Variants in RRM1 observed in about 807,000 individuals in gnomAD.
RRM1 encodes ribonucleotide reductase catalytic subunit M1.
In RRM1, 19 loss-of-function variants were observed where a neutral mutation model predicts 101.5. The observed-to-expected ratio is 0.19, with a 90% CI of 0.13 to 0.27. The LOEUF (loss-of-function observed/expected upper bound fraction) is 0.27. RRM1 is among the 10% of genes least tolerant of loss of function. RRM1 has a pLI of 1.00. For synonymous variants in RRM1, 298 were observed against 323.4 expected, an observed-to-expected ratio of 0.92 and a Z score of 0.84; for missense variants, 500 against 962.9, an observed-to-expected ratio of 0.52 and a Z score of 6.36.
chr11:4,099,638 C>T (rs915988310), intron 1 of RRM1, among the ~76,000 whole-genome samples: 1 of 152,000 alleles, frequency 6.6e-6, no homozygotes, highest in Non-Finnish European at 1.5e-5. Flanking sequence ...TTATATTTCA[C>T]AGGGAACAGT....
Position 4,132,212 on chromosome 11 carries a change from AGT to A in RRM1, c.1770-72_1770-71del, listed in dbSNP as rs2094601725. On this transcript the variant is annotated intron_variant, in intron 15 of 18. Coordinates refer to ENST00000300738, the MANE Select transcript of RRM1 (RefSeq NM_001033.5). The surrounding 1 kb of genome is among the most constrained non-coding windows in gnomAD (Gnocchi z 4.1). ...TACTACATTTATCTACATTTACTAC[AGT>A]GACTTAAAGTAGCTGCTTTCCTGGC... is the stretch of plus-strand genomic sequence containing the variant. The A allele has an allele frequency of 1.4e-6, 2 of 1,390,510 alleles. No homozygotes were observed. The highest frequency in any genetic ancestry group is 2.8e-5 in the African/African-American group (2 of 70,236). 86.1% of individuals were successfully genotyped at this position (1,390,510 alleles called of 1,614,324 possible).
At chr11:4,133,879 A>G (rs547277064) in intron 17 of RRM1, among the ~76,000 whole-genome samples, 9 of 151,408 alleles carry the variant, frequency 5.9e-5, no homozygotes, top group South Asian at 4.2e-4. Flanking sequence ...GTAGTTCTCA[A>G]TTTTTCTGCA....
intron 7 of RRM1, among the ~76,000 whole-genome samples, chr11:4,117,021 C>CA (rs1218793389): frequency 2.6e-5 from 4 of 151,324 alleles, no homozygotes; most frequent in African/African-American, 9.7e-5. Flanking sequence ...GAAACATGGG[C>CA]AAGGGCTATA....
intron 15 of RRM1, among the ~76,000 whole-genome samples, chr11:4,131,911 C>A (rs1183703654): frequency 6.6e-6 from 1 of 152,086 alleles, no homozygotes; most frequent in African/African-American, 2.4e-5. Flanking sequence ...TAACCTAATA[C>A]AGGTGGGGAG....
chr11:4,121,157 C>T (rs2094581274), intron 9 of RRM1, among the ~76,000 whole-genome samples: 1 of 152,324 alleles, frequency 6.6e-6, no homozygotes, highest in African/African-American at 2.4e-5. Context: ...ACTGTAGGCA[C>T]ACTAATCGCT....
At chr11:4,095,987 T>G (rs551128706) in intron 1 of RRM1, among the ~76,000 whole-genome samples, 2 of 152,364 alleles carry the variant, frequency 1.3e-5, no homozygotes, top group African/African-American at 4.8e-5. Flanking sequence ...GTTAATCGAC[T>G]GGTTGTTTCT....
intron 15 of RRM1, among the ~76,000 whole-genome samples, chr11:4,130,104 T>TTTTTTTTC (rs1565189537): frequency 1.1e-5 from 1 of 90,608 alleles, no homozygotes; most frequent in African/African-American, 4.7e-5. Context: ...TTTTTTTTTT[T>TTTTTTTTC]CCCCTCAAAA....
chr11:4,136,012 G>T (rs1273917462), intron 18 of RRM1, among the ~76,000 whole-genome samples: 4 of 151,334 alleles, frequency 2.6e-5, no homozygotes, highest in African/African-American at 9.7e-5. Context: ...ATATTGTCTT[G>T]GGCAAACCTG....
chr11:4,118,686 G>A (rs190217503), intron 8 of RRM1, among the ~76,000 whole-genome samples: 3 of 152,138 alleles, frequency 2.0e-5, no homozygotes, highest in Non-Finnish European at 4.4e-5. Flanking sequence ...TTTAGCTCAG[G>A]TTTTAGAATT....
At chr11:4,117,066 C>T (rs2094574726) in intron 7 of RRM1, among the ~76,000 whole-genome samples, 1 of 151,946 alleles carries the variant, frequency 6.6e-6, no homozygotes. Context: ...ACTTGATTGG[C>T]TAATAAACGT....
chr11:4,130,104 T>TTTTTTTTTTTTTC (rs1565189537), intron 15 of RRM1, among the ~76,000 whole-genome samples: 1 of 90,608 alleles, frequency 1.1e-5, no homozygotes, highest in African/African-American at 4.7e-5. Context: ...TTTTTTTTTT[T>TTTTTTTTTTTTTC]CCCCTCAAAA....
At chr11:4,123,094 C>G (rs2094584189) in intron 11 of RRM1, 89 bp from the exon 12 acceptor site, 1 of 999,112 alleles carries the variant, frequency 1.0e-6, no homozygotes, top group East Asian at 2.7e-5. Flanking sequence ...TAAGAGTTTT[C>G]ATAACTTTAT....
intron 14 of RRM1, among the ~76,000 whole-genome samples, chr11:4,127,494 G>T (rs2094591744): frequency 6.6e-6 from 1 of 152,196 alleles, no homozygotes; most frequent in Non-Finnish European, 1.5e-5. Context: ...CACAGAAGGG[G>T]AAGCAACGTG....
intron 11 of RRM1, 72 bp downstream of exon 11, chr11:4,122,292 C>G (rs2094582973): frequency 9.0e-7 from 1 of 1,109,890 alleles, no homozygotes; most frequent in Non-Finnish European, 1.3e-6. Flanking sequence ...GTCCAAATAT[C>G]AAAAGTACTT....
At chr11:4,133,004 C>T (rs926668539) in intron 16 of RRM1, among the ~76,000 whole-genome samples, 4 of 152,030 alleles carry the variant, frequency 2.6e-5, no homozygotes, top group Admixed American at 1.3e-4. Flanking sequence ...CCATCTTAGG[C>T]GCTATTCTTT....
intron 12 of RRM1, among the ~76,000 whole-genome samples, chr11:4,126,114 G>A (rs549907807): frequency 6.6e-6 from 1 of 152,216 alleles, no homozygotes; most frequent in Admixed American, 6.5e-5. Context: ...GAAATCACTG[G>A]AAGAGCTTTT....
intron 2 of RRM1, among the ~76,000 whole-genome samples, chr11:4,104,811 A>T (rs1419733672): frequency 6.6e-6 from 1 of 152,204 alleles, no homozygotes; most frequent in African/African-American, 2.4e-5. Flanking sequence ...TCATTAAATT[A>T]TCATAATTCA....
At chr11:4,134,008 A>G (rs964286360) in intron 17 of RRM1, among the ~76,000 whole-genome samples, 2 of 78,470 alleles carry the variant, frequency 2.5e-5, no homozygotes, top group South Asian at 4.4e-4. Flanking sequence ...TTTTTTTGAG[A>G]CGAAGTCTCT....
intron 7 of RRM1, among the ~76,000 whole-genome samples, chr11:4,117,068 A>C (rs1037785132): frequency 2.6e-5 from 4 of 152,214 alleles, no homozygotes; most frequent in Admixed American, 2.0e-4. Context: ...TTGATTGGCT[A>C]ATAAACGTCT....
Sources: gnomAD v4.1 joint callset for allele counts (sites outside exome capture counted in the v4.1 genomes callset) on GRCh38, gnomAD v4.1.1 for gene constraint, Gnocchi (gnomAD v3.1) non-coding constraint, MANE v1.5 for transcripts, NCBI Gene and HGNC (gene_info 2026-07-23, HGNC 2026-07-21) for gene names.